Variants in KLHDC8A observed in about 807,000 individuals in gnomAD.
The protein encoded by KLHDC8A is kelch domain-containing protein 8A.
In KLHDC8A, 21 loss-of-function variants were observed where a neutral mutation model predicts 33.1. The observed-to-expected ratio is 0.64, with a 90% CI of 0.45 to 0.91. KLHDC8A has a LOEUF of 0.91. Ranked by LOEUF, KLHDC8A falls within the 40% of genes least tolerant of loss-of-function variation. KLHDC8A has a pLI of 0.00. For synonymous variants in KLHDC8A, 173 were observed against 193.5 expected (o/e 0.89, Z 0.88); for missense variants, 435 against 483.3 (o/e 0.90, Z 0.94).
chr1:205,356,731 C>A lies in KLHDC8A; in HGVS notation c.-388G>T, dbSNP rs190169681. 372 of 381,758 alleles carry A rather than the reference C, an allele frequency of 9.7e-4. 2 individuals are homozygous for A. The highest frequency in any genetic ancestry group is 6.1e-3 in the South Asian group (322 of 52,404). The allele number at this position is 381,758 out of a possible 1,614,324, so 23.6% of individuals were successfully genotyped here. On this transcript the variant is annotated 5_prime_UTR_variant, in exon 1 of 6. Transcript: ENST00000367155. ...TCCACTGCTGCTGCCTCTGGCTGAT[C>A]GACTGGGATGCAGCCAGGCCCCTAT...
rs1374179286 is a variant in KLHDC8A at position 205,339,551 on chromosome 1, C to T, written c.541+93G>A. Reference sequence around the variant, plus strand: ...TGGGCAGTGTGATTATCCCCAGTGCCGAGGAGATGCTCAGCACACAGGCAC... The same window carrying T: ...TGGGCAGTGTGATTATCCCCAGTGCTGAGGAGATGCTCAGCACACAGGCAC... On this transcript the variant is annotated intron_variant, in intron 3 of 5. Coordinates refer to ENST00000367155, the MANE Select transcript of KLHDC8A (RefSeq NM_018203.3). This position sits in a 1 kb window ranked among gnomAD's most constrained non-coding sequence, Gnocchi z 5.1. 1.6e-5 allele frequency: 23 copies of T among 1,471,548 alleles called. No homozygotes were observed. The highest frequency in any genetic ancestry group is 2.0e-5 in the Non-Finnish European group (21 of 1,065,862). The allele number at this position is 1,471,548 out of a possible 1,614,324, so 91.2% of individuals were successfully genotyped here.
intron 1 of KLHDC8A, among the ~76,000 whole-genome samples, chr1:205,354,999 T>G (rs1323641145): frequency 2.0e-5 from 3 of 152,168 alleles, no homozygotes; most frequent in Non-Finnish European, 4.4e-5. Context: ...CAAAACAAAC[T>G]CAGAGAGGTG....
At chr1:205,345,189 G>A (rs1558687370) in intron 1 of KLHDC8A, among the ~76,000 whole-genome samples, 1 of 152,186 alleles carries the variant, frequency 6.6e-6, no homozygotes, top group African/African-American at 2.4e-5. Context: ...GCAGGCTTGG[G>A]AGGCTGGAAG....
At chr1:205,341,001 T>C (rs149075880) in intron 2 of KLHDC8A, among the ~76,000 whole-genome samples, 1 of 152,282 alleles carries the variant, frequency 6.6e-6, no homozygotes, top group Non-Finnish European at 1.5e-5. Flanking sequence ...CTAAATGAGA[T>C]AGGGCTAGGG....
At chr1:205,351,414 T>A in intron 1 of KLHDC8A, 1 of 839,074 alleles carries the variant, frequency 1.2e-6, no homozygotes, top group Non-Finnish European at 2.1e-6. Flanking sequence ...AACAGAACAA[T>A]ATTGGAATGG....
chr1:205,339,866 C>G lies in KLHDC8A; in HGVS notation c.377-58G>C, dbSNP rs1662745247. 5 of 1,534,020 alleles carry G rather than the reference C, an allele frequency of 3.3e-6. No homozygotes were observed. Among genetic ancestry groups the G allele is most frequent in the Non-Finnish European group, 4.4e-6 (5 of 1,125,438 alleles). On this transcript the variant is annotated intron_variant, in intron 2 of 5. Transcript: ENST00000367155. This position sits in a 1 kb window ranked among gnomAD's most constrained non-coding sequence, Gnocchi z 5.1. The stretch of plus-strand genomic sequence containing the variant: ...AGCTCACAGGTACAGCAAGACAGGC[C>G]CACCAGCATCTATTGCCTCCCATGG...
Position 205,343,648 on chromosome 1 carries a change from CG to C in KLHDC8A, c.-45del. 31 of 1,517,702 alleles carry C rather than the reference CG, an allele frequency of 2.0e-5. No individual in the cohort carries two copies. Among genetic ancestry groups the C allele is most frequent in the Non-Finnish European group, 2.7e-5 (31 of 1,133,622 alleles). 94.0% of individuals were successfully genotyped at this position (1,517,702 alleles called of 1,614,324 possible). On this transcript the variant is annotated 5_prime_UTR_variant, in exon 2 of 6. Coordinates refer to ENST00000367155, the MANE Select transcript of KLHDC8A (RefSeq NM_018203.3). The stretch of plus-strand genomic sequence containing the variant: ...CCGGGCGCCGGGAGAGGTGCGAGCG[CG>C]GGGGTCCACCGGCTACTTGGCGCCG...
At chr1:205,340,126 C>T (rs1468463117) in intron 2 of KLHDC8A, among the ~76,000 whole-genome samples, 1 of 151,996 alleles carries the variant, frequency 6.6e-6, no homozygotes, top group African/African-American at 2.4e-5. Context: ...GAGATCTTCC[C>T]ATCTCAGCCT....
In KLHDC8A at chr1:205,339,666, T is replaced by C. The variant is rs1208390835; in HGVS notation, c.519A>G (p.Arg173=). ...TACCCAGCACGTAGATCTTGGAGCC[T>C]CGGAGGAAGGAGGTGGCAGCATATC... ...TPRYAATSFL[R]GSKIYVLGGR... is the part of the protein sequence containing the mutation. Residue 173 remains arginine (R), a synonymous_variant, in exon 3 of 6, where the codon CGA becomes CGG. Coordinates refer to ENST00000367155, the MANE Select transcript of KLHDC8A (RefSeq NM_018203.3). This position sits in a 1 kb window ranked among gnomAD's most constrained non-coding sequence, Gnocchi z 5.1. 6.2e-7 allele frequency: 1 copy of C among 1,613,588 alleles called. No homozygotes were observed. The highest frequency in any genetic ancestry group is 8.5e-7 in the Non-Finnish European group (1 of 1,179,846).
intron 2 of KLHDC8A, among the ~76,000 whole-genome samples, chr1:205,341,889 T>C (rs1662800275): frequency 6.6e-6 from 1 of 152,186 alleles, no homozygotes; most frequent in Non-Finnish European, 1.5e-5. Context: ...GACCTCATGA[T>C]CCGCCCGCCT....
chr1:205,351,102 G>T, intron 1 of KLHDC8A: 2 of 613,152 alleles, frequency 3.3e-6, no homozygotes, highest in Non-Finnish European at 5.9e-6. Context: ...CCACCCAGGA[G>T]AGAAGGGTCC....
At chr1:205,355,925 C>G (rs1663255012) in intron 1 of KLHDC8A, among the ~76,000 whole-genome samples, 1 of 152,184 alleles carries the variant, frequency 6.6e-6, no homozygotes, top group Non-Finnish European at 1.5e-5. Context: ...AGTAGGTAGT[C>G]CATAAGTTTT....
chr1:205,355,380 C>T (rs1045171247), intron 1 of KLHDC8A, among the ~76,000 whole-genome samples: 1 of 152,176 alleles, frequency 6.6e-6, no homozygotes, highest in Admixed American at 6.5e-5. Flanking sequence ...GCCTGAATGC[C>T]GCCTCCTCCA....
chr1:205,345,409 C>G (rs543205251), intron 1 of KLHDC8A, among the ~76,000 whole-genome samples: 1 of 152,276 alleles, frequency 6.6e-6, no homozygotes, highest in African/African-American at 2.4e-5. Flanking sequence ...CAGTATATAT[C>G]ACAACCAGGG....
intron 5 of KLHDC8A, among the ~76,000 whole-genome samples, chr1:205,338,253 G>A (rs1311032218): frequency 6.6e-6 from 1 of 152,186 alleles, no homozygotes; most frequent in African/African-American, 2.4e-5. Flanking sequence ...GGCTACGGGT[G>A]TCCCTTATTC....
rs1574903200 is a variant in KLHDC8A, at chr1:205,336,190, C to A, written c.*1209G>T. 6.6e-6 allele frequency: 1 copy of A among 152,164 alleles called. No homozygotes were observed. The highest frequency in any genetic ancestry group is 2.1e-4 in the South Asian group (1 of 4,828). 9.4% of individuals were successfully genotyped at this position (152,164 alleles called of 1,614,324 possible). A position where few individuals can be genotyped will look rare whatever the true frequency, so the allele number is the denominator to read the frequency against. On this transcript the variant is annotated 3_prime_UTR_variant, in exon 6 of 6. Coordinates refer to ENST00000367155, the MANE Select transcript of KLHDC8A (RefSeq NM_018203.3). Reference sequence around the variant, plus strand: ...ACATTCTTCAAGTTTTCTAAAAGAACCCTTTCTACTTTGGATAGGACAAAA... The same window carrying A: ...ACATTCTTCAAGTTTTCTAAAAGAAACCTTTCTACTTTGGATAGGACAAAA...
At chr1:205,343,125 C>T (rs996495165) in intron 2 of KLHDC8A, 104 bp downstream of exon 2, 3 of 1,469,688 alleles carry the variant, frequency 2.0e-6, no homozygotes, top group African/African-American at 2.8e-5. Flanking sequence ...AAATATGGCA[C>T]TAAACTCCAC....
Position 205,343,722 on chromosome 1 carries a change from AC to A in KLHDC8A, c.-119del. The A allele has an allele frequency of 2.8e-6, 3 of 1,068,744 alleles. No individual in the cohort carries two copies. Among genetic ancestry groups the A allele is most frequent in the Non-Finnish European group, 3.9e-6 (3 of 764,646 alleles). The allele number at this position is 1,068,744 out of a possible 1,614,324, so 66.2% of individuals were successfully genotyped here. On this transcript the variant is annotated 5_prime_UTR_variant, in exon 2 of 6. Transcript: ENST00000367155. ...CCTCCATCTGGCTCCCGAGCGCCGGACCCAGCCAGACCCCGGCCAGTGCTTC... is the reference window on the plus strand; with the variant it reads ...CCTCCATCTGGCTCCCGAGCGCCGGACCAGCCAGACCCCGGCCAGTGCTTC...
At chr1:205,349,631 C>T (rs1189720882) in intron 1 of KLHDC8A, among the ~76,000 whole-genome samples, 2 of 152,142 alleles carry the variant, frequency 1.3e-5, no homozygotes, top group Admixed American at 1.3e-4. Flanking sequence ...CCTGTGCTTA[C>T]TGAGGAAATC....
Sources: gnomAD v4.1 joint callset for allele counts (sites outside exome capture counted in the v4.1 genomes callset) on GRCh38, gnomAD v4.1.1 for gene constraint, Gnocchi (gnomAD v3.1) non-coding constraint, MANE v1.5 for transcripts, NCBI Gene and HGNC (gene_info 2026-07-23, HGNC 2026-07-21) for gene names.